ZNF84: variants seen among roughly 807,000 people sequenced by gnomAD.
ZNF84 encodes the protein zinc finger protein 84.
In ZNF84, 12 loss-of-function variants were observed where a neutral mutation model predicts 14.8. The ratio of observed to expected loss-of-function variants is 0.81; its 90% CI spans 0.52 to 1.31. ZNF84 has a LOEUF of 1.31. Ranked by LOEUF, ZNF84 falls within the 50% of genes most tolerant of loss-of-function variation. The pLI, the probability that ZNF84 is intolerant of heterozygous loss-of-function variation, is 0.00. For synonymous variants in ZNF84, 347 were observed against 291.1 expected (o/e 1.19, Z -1.96); for missense variants, 859 against 878.6 (o/e 0.98, Z 0.28).
rs7314140 is a variant in ZNF84 at position 133,048,690 on chromosome 12, A to G, written c.143-63A>G. 2.8e-5 allele frequency: 37 copies of G among 1,300,128 alleles called. No homozygotes were observed. The South Asian group carries it at 4.4e-4, about 16-fold the overall frequency. The allele number at this position is 1,300,128 out of a possible 1,614,324, so 80.5% of individuals were successfully genotyped here. Reference sequence around the variant, plus strand: ...CAACTTTGATGTGAAACCTTGCTCAACTTTAGAGGCCCTAAACCCCAAGCA... The same window carrying G: ...CAACTTTGATGTGAAACCTTGCTCAGCTTTAGAGGCCCTAAACCCCAAGCA... On this transcript the variant is annotated intron_variant, in intron 3 of 4. Transcript: ENST00000539354.
intron 1 of ZNF84, among the ~76,000 whole-genome samples, chr12:133,038,504 T>C (rs1953828828): frequency 1.3e-5 from 2 of 151,464 alleles, no homozygotes; most frequent in African/African-American, 4.9e-5. Flanking sequence ...AGGGCTGCAG[T>C]GAGCTATGGT....
Position 133,058,721 on chromosome 12 carries a change from A to G in ZNF84, c.2006A>G (p.His669Arg). The change falls in exon 5 of 5, where the codon CAC becomes CGC. Residue 669 changes from histidine to arginine, a missense_variant. Physicochemically the swap from His to Arg is conservative, Grantham distance 29 (BLOSUM62 0). Transcript: ENST00000539354. ...GGCAAAGCTTTCTCTCGGAAGTCACACCTTATACCACATCAAAGGACACAT... is the reference window on the plus strand; with the variant it reads ...GGCAAAGCTTTCTCTCGGAAGTCACGCCTTATACCACATCAAAGGACACAT... The part of the protein sequence containing the change: ...ECGKAFSRKS[H>R]LIPHQRTHTG... 1 of 1,613,758 alleles carries G rather than the reference A, an allele frequency of 6.2e-7. No homozygotes were observed.
At chr12:133,055,559 A>G (rs1245238963) in intron 4 of ZNF84, among the ~76,000 whole-genome samples, 1 of 152,166 alleles carries the variant, frequency 6.6e-6, no homozygotes, top group Non-Finnish European at 1.5e-5. Flanking sequence ...AAATTTAGAC[A>G]CAGAAATTCT....
chr12:133,056,218 A>G (rs905298579), intron 4 of ZNF84, among the ~76,000 whole-genome samples: 4 of 152,272 alleles, frequency 2.6e-5, no homozygotes, highest in African/African-American at 9.6e-5. Flanking sequence ...CCATTACAAT[A>G]TAAATTTTAT....
In ZNF84 at chr12:133,058,789, T is replaced by G; in HGVS notation, c.2074T>G (p.Phe692Val). 1.9e-6 allele frequency: 3 copies of G among 1,614,072 alleles called. No individual in the cohort carries two copies. The highest frequency in any genetic ancestry group is 2.5e-6 in the Non-Finnish European group (3 of 1,179,984). Reference sequence around the variant, plus strand: ...TGGATGCAGTGAATGTAGGAAGGCCTTCTCTCAGAAGTCACAGCTGGTTAA... The same window carrying G: ...TGGATGCAGTGAATGTAGGAAGGCCGTCTCTCAGAAGTCACAGCTGGTTAA... ...PYGCSECRKA[F>V]SQKSQLVNHQ... is the part of the protein sequence containing the mutation. The change falls in exon 5 of 5, where the codon TTC becomes GTC. Residue 692 changes from phenylalanine to valine, a missense_variant. Coordinates refer to ENST00000539354, the MANE Select transcript of ZNF84 (RefSeq NM_001289971.2).
At chr12:133,050,596 A>G (rs985555142) in intron 4 of ZNF84, 7 of 398,492 alleles carry the variant, frequency 1.8e-5, no homozygotes, top group African/African-American at 1.0e-4. Flanking sequence ...GGTCAGTTCC[A>G]TTTAAACATT....
rs977851366 is a variant in ZNF84 at position 133,058,713 on chromosome 12, G to A, written c.1998G>A (p.Arg666=). The part of the protein sequence containing the change: ...ECSECGKAFS[R]KSHLIPHQRT... ...GTGAGTGTGGCAAAGCTTTCTCTCG[G>A]AAGTCACACCTTATACCACATCAAA... The change falls in exon 5 of 5, where the codon CGG becomes CGA. Residue 666 remains arginine, a synonymous_variant. Coordinates refer to ENST00000539354, the MANE Select transcript of ZNF84 (RefSeq NM_001289971.2). 17 of 1,613,872 alleles carry A rather than the reference G, an allele frequency of 1.1e-5. No individual in the cohort carries two copies. Among genetic ancestry groups the A allele is most frequent in the African/African-American group, 1.3e-5 (1 of 74,966 alleles).
chr12:133,055,362 A>G (rs1381466231), intron 4 of ZNF84, among the ~76,000 whole-genome samples: 2,259 of 152,276 alleles, frequency 0.015, 42 homozygotes, highest in African/African-American at 0.051. Flanking sequence ...CTTTTTAGAT[A>G]GAATAGTTGT....
At chr12:133,038,380 C>G (rs906030594) in intron 1 of ZNF84, among the ~76,000 whole-genome samples, 1 of 151,856 alleles carries the variant, frequency 6.6e-6, no homozygotes, top group Non-Finnish European at 1.5e-5. Flanking sequence ...TGGGCCTGTT[C>G]ACACTCATTA....
At position 133,057,126 on chromosome 12, in the gene ZNF84, A is replaced by G; in HGVS notation, c.411A>G (p.Leu137=). 6.2e-7 allele frequency: 1 copy of G among 1,612,754 alleles called. No individual in the cohort carries two copies. The highest frequency in any genetic ancestry group is 8.5e-7 in the Non-Finnish European group (1 of 1,179,696). ...AAGGTGACTTAGATGGATTGATTTT[A>G]AAACATCATTTAGATTTGCTTATTC... ...NSEGDLDGLI[L]KHHLDLLIPK... The change falls in exon 5 of 5, where the codon TTA becomes TTG. Residue 137 remains leucine (L), a synonymous_variant. Transcript: ENST00000539354.
chr12:133,039,516 A>C (rs1198650505), intron 1 of ZNF84, among the ~76,000 whole-genome samples: 1 of 152,172 alleles, frequency 6.6e-6, no homozygotes, highest in East Asian at 1.9e-4. Context: ...TTTTACAATC[A>C]CTCATTGTCC....
intron 2 of ZNF84, among the ~76,000 whole-genome samples, chr12:133,046,884 A>ATAT (rs1310380918): frequency 7.0e-6 from 1 of 142,102 alleles, no homozygotes; most frequent in African/African-American, 2.6e-5. Flanking sequence ...ATATATTTAT[A>ATAT]TATTATTTTT....
At chr12:133,048,410 A>G (rs1051495658) in intron 3 of ZNF84, 4 of 283,676 alleles carry the variant, frequency 1.4e-5, no homozygotes, top group Non-Finnish European at 2.7e-5. Context: ...TTTAGTCATC[A>G]GAGCAATCCT....
In ZNF84 at chr12:133,057,751, C is replaced by G. The variant is rs1954186575; in HGVS notation, c.1036C>G (p.Pro346Ala). Residue 346 changes from proline (P) to alanine (A), a missense_variant, in exon 5 of 5, where the codon CCT becomes GCT. Pro to Ala is a conservative substitution (Grantham distance 27). Transcript: ENST00000539354. ...NHQRIHTGEK[P>A]FECRECGKAF... Reference sequence around the variant, plus strand: ...TCAGAGAATTCATACCGGTGAGAAGCCTTTTGAATGCAGGGAATGTGGGAA... The same window carrying G: ...TCAGAGAATTCATACCGGTGAGAAGGCTTTTGAATGCAGGGAATGTGGGAA... 2.5e-6 allele frequency: 4 copies of G among 1,614,074 alleles called. No individual in the cohort carries two copies. Among genetic ancestry groups the G allele is most frequent in the Non-Finnish European group, 3.4e-6 (4 of 1,180,020 alleles).
At chr12:133,045,151 C>T (rs1953957672) in intron 2 of ZNF84, among the ~76,000 whole-genome samples, 1 of 152,056 alleles carries the variant, frequency 6.6e-6, no homozygotes, top group African/African-American at 2.4e-5. Context: ...TTCCTCTTCC[C>T]ACCCCAGCCT....
intron 4 of ZNF84, 78 bp downstream of exon 4, chr12:133,048,926 G>T (rs1954029191): frequency 8.4e-7 from 1 of 1,188,466 alleles, no homozygotes; most frequent in Non-Finnish European, 1.2e-6. Flanking sequence ...GGGCTAGTCA[G>T]TGATGGGTGG....
chr12:133,052,447 TC>T (rs1203377778), intron 4 of ZNF84, among the ~76,000 whole-genome samples: 5 of 152,138 alleles, frequency 3.3e-5, no homozygotes, highest in African/African-American at 1.2e-4. Flanking sequence ...GCTCAAGTGA[TC>T]CCCCCAAGCA....
chr12:133,057,425 G>C lies in ZNF84; in HGVS notation c.710G>C (p.Cys237Ser). 2 of 1,614,220 alleles carry C rather than the reference G, an allele frequency of 1.2e-6. No individual in the cohort carries two copies. Among genetic ancestry groups the C allele is most frequent in the South Asian group, 2.2e-5 (2 of 91,086 alleles). ...CATATAAGAGACATAGCCTTTGGCT[G>C]TGGTAATTGTGGCAAAACCTTTCCC... ...SRHIRDIAFG[C>S]GNCGKTFPQK... The change falls in exon 5 of 5, where the codon TGT (cysteine) becomes TCT (serine). Residue 237 changes from cysteine (C) to serine (S), a missense_variant. Coordinates refer to ENST00000539354, the MANE Select transcript of ZNF84 (RefSeq NM_001289971.2).
At chr12:133,051,339 C>G (rs1330415393) in intron 4 of ZNF84, among the ~76,000 whole-genome samples, 1 of 152,052 alleles carries the variant, frequency 6.6e-6, no homozygotes, top group Non-Finnish European at 1.5e-5. Context: ...AAACACTGAG[C>G]ATTTGTTTTA....
Sources: allele counts gnomAD v4.1 joint callset (sites outside exome capture counted in the v4.1 genomes callset), GRCh38; gene constraint gnomAD v4.1.1; transcripts MANE v1.5; gene names NCBI Gene and HGNC (gene_info 2026-07-23, HGNC 2026-07-21).